The following CNTNAP2 variants were observed in gnomAD, a reference collection of about 807,000 sequenced individuals.
CNTNAP2 encodes the protein contactin-associated protein-like 2.
CNTNAP2 carries 98 observed loss-of-function variants against 155.2 expected under a neutral mutation model. The ratio of observed to expected loss-of-function variants is 0.63; its 90% confidence interval spans 0.54 to 0.75. The LOEUF (loss-of-function observed/expected upper bound fraction) is 0.75, where lower values mean the gene tolerates loss of function less well. Among genes scored for constraint, CNTNAP2 ranks in the 30% least tolerant of loss-of-function variants. CNTNAP2 has a pLI of 0.00. For synonymous variants in CNTNAP2, 651 were observed against 631.2 expected (o/e 1.03, Z -0.47); for missense variants, 1,727 against 1,688.1 (o/e 1.02, Z -0.40).
At chr7:148,122,999 T>G (rs910848392) in intron 16 of CNTNAP2, among the ~76,000 whole-genome samples, 1 of 152,162 alleles carries the variant, frequency 6.6e-6, no homozygotes, top group Non-Finnish European at 1.5e-5. Context: ...TGGGGCACCT[T>G]TCATGAAGGA....
intron 21 of CNTNAP2, among the ~76,000 whole-genome samples, chr7:148,360,212 CT>C (rs1286781732): frequency 1.3e-5 from 2 of 152,176 alleles, no homozygotes; most frequent in African/African-American, 4.8e-5. Context: ...CAGGCCTCAC[CT>C]AGACCAAGAA....
chr7:146,281,993 C>T (rs942479336), intron 1 of CNTNAP2, among the ~76,000 whole-genome samples: 1 of 151,906 alleles, frequency 6.6e-6, no homozygotes, highest in African/African-American at 2.4e-5. Flanking sequence ...TGCTTTGTTC[C>T]TCTTAGTAAC....
chr7:147,657,002 AAC>A (rs1017403944), intron 13 of CNTNAP2, among the ~76,000 whole-genome samples: 1 of 152,142 alleles, frequency 6.6e-6, no homozygotes, highest in Admixed American at 6.6e-5. Context: ...CACACTCACA[AAC>A]ACACACTCGT....
intron 8 of CNTNAP2, among the ~76,000 whole-genome samples, chr7:147,224,199 G>A (rs1180146429): frequency 6.6e-6 from 1 of 152,034 alleles, no homozygotes; most frequent in Non-Finnish European, 1.5e-5. Flanking sequence ...TTTTCAATTT[G>A]CTCTGCTTTT....
At chr7:146,473,720 A>G (rs1338071612) in intron 1 of CNTNAP2, among the ~76,000 whole-genome samples, 1 of 152,178 alleles carries the variant, frequency 6.6e-6, no homozygotes, top group African/African-American at 2.4e-5. Context: ...TTTTTGTGAT[A>G]CAATTTATCT....
chr7:146,237,978 C>G (rs1415729844), intron 1 of CNTNAP2, among the ~76,000 whole-genome samples: 1 of 152,092 alleles, frequency 6.6e-6, no homozygotes, highest in Non-Finnish European at 1.5e-5. Context: ...AGTTTCAAAT[C>G]TAAATATCTG....
intron 1 of CNTNAP2, among the ~76,000 whole-genome samples, chr7:146,270,728 C>A (rs868079302): frequency 6.6e-6 from 1 of 152,124 alleles, no homozygotes; most frequent in African/African-American, 2.4e-5. Flanking sequence ...TAAAAAAGCA[C>A]ATCAGCTCAG....
chr7:147,489,260 T>C lies in CNTNAP2; in HGVS notation c.1777+3219T>C, dbSNP rs142863124. Among the ~76,000 whole-genome samples the C allele has an allele frequency of 5.1e-3, 780 of 152,312 alleles. 6 individuals carry two copies. The highest frequency in any genetic ancestry group is 0.048 in the Middle Eastern group (14 of 294). The stretch of plus-strand genomic sequence containing the variant: ...GCTTAGAGGACTGTCATTTGTGAAC[T>C]GCTCCCCTGAGGAGCCAGGATGTCT... On this transcript the variant is annotated intron_variant, in intron 11 of 23. Coordinates refer to ENST00000361727, the MANE Select transcript of CNTNAP2 (RefSeq NM_014141.6).
chr7:147,727,175 A>C (rs1563066978), intron 13 of CNTNAP2, among the ~76,000 whole-genome samples: 1 of 151,964 alleles, frequency 6.6e-6, no homozygotes, highest in African/African-American at 2.4e-5. Flanking sequence ...CCTGAACCCC[A>C]GTAGATTGGT....
At chr7:147,325,613 G>T (rs1276977424) in intron 9 of CNTNAP2, among the ~76,000 whole-genome samples, 1 of 152,130 alleles carries the variant, frequency 6.6e-6, no homozygotes, top group East Asian at 1.9e-4. Flanking sequence ...TTTTTAGCCA[G>T]TCAAATGACA....
At chr7:147,578,838 G>T (rs977788557) in intron 12 of CNTNAP2, among the ~76,000 whole-genome samples, 5 of 149,176 alleles carry the variant, frequency 3.4e-5, no homozygotes, top group Non-Finnish European at 7.4e-5. Context: ...TTTCAACAGA[G>T]ATACAACTTT....
At chr7:146,155,333 G>A (rs1332247986) in intron 1 of CNTNAP2, among the ~76,000 whole-genome samples, 4 of 152,136 alleles carry the variant, frequency 2.6e-5, no homozygotes, top group Non-Finnish European at 5.9e-5. Context: ...CTGTGCAGAT[G>A]TTTTCTCAAA....
chr7:148,232,252 C>G (rs1476751396), intron 20 of CNTNAP2, among the ~76,000 whole-genome samples: 1 of 152,244 alleles, frequency 6.6e-6, no homozygotes, highest in African/African-American at 2.4e-5. Context: ...CAGGGCTTCT[C>G]ACTCCCATGC....
At chr7:148,400,979 C>CA (rs59013618) in intron 22 of CNTNAP2, among the ~76,000 whole-genome samples, 19,476 of 109,632 alleles carry the variant, frequency 0.18, 2,709 homozygotes, top group African/African-American at 0.43. Context: ...GACTCCGCCT[C>CA]AAAAAAAAAA....
At chr7:147,789,824 T>C (rs1043925439) in intron 13 of CNTNAP2, among the ~76,000 whole-genome samples, 5 of 152,246 alleles carry the variant, frequency 3.3e-5, no homozygotes, top group Non-Finnish European at 5.9e-5. Context: ...GTTCTTCAGC[T>C]TTTGCACTCT....
intron 13 of CNTNAP2, among the ~76,000 whole-genome samples, chr7:147,695,647 CA>C (rs1338154046): frequency 6.6e-6 from 1 of 151,836 alleles, no homozygotes; most frequent in African/African-American, 2.4e-5. Context: ...ACTGAAAATA[CA>C]AAAAATAGCT....
intron 3 of CNTNAP2, among the ~76,000 whole-genome samples, chr7:146,880,319 GCTCT>G (rs1199201246): frequency 6.6e-6 from 1 of 151,884 alleles, no homozygotes; most frequent in African/African-American, 2.4e-5. Flanking sequence ...GCTCCTTTAT[GCTCT>G]CTCTTTCTGC....
chr7:146,763,284 C>T (rs1182515882), intron 1 of CNTNAP2, among the ~76,000 whole-genome samples: 1 of 152,066 alleles, frequency 6.6e-6, no homozygotes, highest in Non-Finnish European at 1.5e-5. Flanking sequence ...TATCAGATAA[C>T]CCTATGGCTT....
chr7:146,618,846 G>T (rs1799270101), intron 1 of CNTNAP2, among the ~76,000 whole-genome samples: 1 of 152,078 alleles, frequency 6.6e-6, no homozygotes, highest in Admixed American at 6.6e-5. Flanking sequence ...GAGACAGGCG[G>T]ATAACCTGAG....
Sources: gnomAD v4.1 joint callset for allele counts (sites outside exome capture counted in the v4.1 genomes callset) on GRCh38, gnomAD v4.1.1 for gene constraint, MANE v1.5 for transcripts, NCBI Gene and HGNC (gene_info 2026-07-23, HGNC 2026-07-21) for gene names.